Variants in TLR2 observed in about 807,000 individuals in gnomAD.
TLR2 encodes toll like receptor 2, also known as toll-like receptor 2.
Under a neutral mutation model 9.1 loss-of-function variants are expected in TLR2, and 7 were observed. That is an observed-to-expected ratio of 0.77 (90% CI 0.44 to 1.44). TLR2 has a LOEUF of 1.44. Among genes scored for constraint, TLR2 ranks in the 40% most tolerant of loss-of-function variants. The probability of loss-of-function intolerance (pLI) is 0.01; values close to 1 mark genes in which losing one functional copy is unlikely to be tolerated. For missense variants in TLR2, 812 were observed against 904.6 expected, an observed-to-expected ratio of 0.90 and a Z score of 1.31; for synonymous variants, 317 against 344.6, an observed-to-expected ratio of 0.92 and a Z score of 0.89.
chr4:153,702,757 TCTC>T (rs1736982730), intron 2 of TLR2, 132 bp from the exon 3 acceptor site: 6 of 689,426 alleles, frequency 8.7e-6, no homozygotes, highest in East Asian at 2.8e-5. Context: ...TCTCTCTCTC[TCTC>T]TTTGTGTGTG....
At chr4:153,697,919 A>T (rs1295991478) in intron 2 of TLR2, among the ~76,000 whole-genome samples, 1 of 152,180 alleles carries the variant, frequency 6.6e-6, no homozygotes, top group Non-Finnish European at 1.5e-5. Context: ...TGTGTTGCAG[A>T]AGTAATACAA....
chr4:153,708,931 C>G (rs778550939), downstream of TLR2, among the ~76,000 whole-genome samples: 2 of 152,140 alleles, frequency 1.3e-5, no homozygotes, highest in African/African-American at 2.4e-5. Context: ...GTTACTCAAA[C>G]AGCTACAGAG....
chr4:153,685,762 C>A (rs894672416), intron 1 of TLR2, among the ~76,000 whole-genome samples: 9 of 152,066 alleles, frequency 5.9e-5, no homozygotes, highest in African/African-American at 2.2e-4. Flanking sequence ...TAGAAAAAAT[C>A]TAATGGAATA....
At chr4:153,708,079 A>G (rs967664081), downstream of TLR2, among the ~76,000 whole-genome samples, 2 of 152,212 alleles carry the variant, frequency 1.3e-5, no homozygotes, top group African/African-American at 4.8e-5. Context: ...ACTTTACAAA[A>G]TTGGGATTAG....
At chr4:153,702,762 TTGTGTGTG>T (rs141605367) in intron 2 of TLR2, 122 bp from the exon 3 acceptor site, 17,977 of 414,072 alleles carry the variant, frequency 0.043, 187 homozygotes, top group African/African-American at 0.089. Flanking sequence ...CTCTCTCTCT[TTGTGTGTG>T]TGTGTGTGTG....
intron 2 of TLR2, among the ~76,000 whole-genome samples, chr4:153,696,479 T>G (rs2127040050): frequency 6.6e-6 from 1 of 152,326 alleles, no homozygotes; most frequent in South Asian, 2.1e-4. Flanking sequence ...GAGATTACTA[T>G]CTTGATTTCT....
downstream of TLR2, among the ~76,000 whole-genome samples, chr4:153,709,365 A>G (rs944659021): frequency 8.5e-5 from 13 of 152,226 alleles, no homozygotes; most frequent in Admixed American, 8.5e-4. Context: ...TGTTAAATGT[A>G]TACAGTGTTG....
chr4:153,693,401 C>T lies in TLR2; in HGVS notation c.-17+5354C>T, dbSNP rs113054944. Reference sequence around the variant, plus strand: ...GCTATAATATTTCCCTGTTGATCTACGGGGTATATTCTAACAGGGAACTGC... The same window carrying T: ...GCTATAATATTTCCCTGTTGATCTATGGGGTATATTCTAACAGGGAACTGC... On this transcript the variant is annotated intron_variant, in intron 2 of 2. Coordinates refer to ENST00000642700, the MANE Select transcript of TLR2 (RefSeq NM_001318789.2). Among the ~76,000 whole-genome samples, 38 of 152,194 alleles carry T rather than the reference C, an allele frequency of 2.5e-4. 1 individual carries two copies. The South Asian group carries it at 4.1e-3, about 17-fold the overall frequency.
chr4:153,684,796 T>C lies in TLR2; in HGVS notation c.-163+436T>C, dbSNP rs547715575. Reference sequence around the variant, plus strand: ...GGGCTCCGGGCCTCTGGCCGCCACCTCCCTCGGGAGGCCGAGGGGGGCGGT... The same window carrying C: ...GGGCTCCGGGCCTCTGGCCGCCACCCCCCTCGGGAGGCCGAGGGGGGCGGT... On this transcript the variant is annotated intron_variant, in intron 1 of 2. Transcript: ENST00000642700. 5.7e-3 allele frequency among the ~76,000 whole-genome samples: 861 copies of C among 150,714 alleles called. 7 individuals carry two copies. Among genetic ancestry groups the C allele is most frequent in the Non-Finnish European group, 8.9e-3 (606 of 67,944 alleles).
At chr4:153,685,438 C>T (rs894235925) in intron 1 of TLR2, among the ~76,000 whole-genome samples, 6 of 152,194 alleles carry the variant, frequency 3.9e-5, no homozygotes, top group African/African-American at 1.2e-4. Context: ...AATCTTTTGA[C>T]TCTGTTATTA....
intron 2 of TLR2, 128 bp from the exon 3 acceptor site, chr4:153,702,758 CTCTTTG>C (rs1401080538): frequency 7.9e-6 from 5 of 629,802 alleles, no homozygotes; most frequent in South Asian, 2.6e-5. Flanking sequence ...CTCTCTCTCT[CTCTTTG>C]TGTGTGTGTG....
chr4:153,707,114 G>A (rs985774055), downstream of TLR2, among the ~76,000 whole-genome samples: 2 of 152,048 alleles, frequency 1.3e-5, no homozygotes, highest in African/African-American at 4.8e-5. Context: ...ATACTAGCAG[G>A]GATATAAGGG....
rs1262808329 is a variant in TLR2, at chr4:153,688,037, G to T, written c.-27G>T. The T allele has an allele frequency of 6.6e-6, 1 of 152,190 alleles. No homozygotes were observed. Among genetic ancestry groups the T allele is most frequent in the Non-Finnish European group, 1.5e-5 (1 of 68,034 alleles). 9.4% of individuals were successfully genotyped at this position (152,190 alleles called of 1,614,324 possible). A position where few individuals can be genotyped will look rare whatever the true frequency, so the allele number is the denominator to read the frequency against. The stretch of plus-strand genomic sequence containing the variant: ...CATTGCTCTTTCACTGCTTTCAACT[G>T]GTAGTTGTGGGTAAGTTCCTGCTCA... On this transcript the variant is annotated 5_prime_UTR_variant, in exon 2 of 3. Coordinates refer to ENST00000642700, the MANE Select transcript of TLR2 (RefSeq NM_001318789.2).
intron 2 of TLR2, among the ~76,000 whole-genome samples, chr4:153,701,332 G>A (rs548249584): frequency 1.4e-4 from 21 of 152,194 alleles, no homozygotes; most frequent in African/African-American, 4.8e-4. Context: ...GCCCTCTTGC[G>A]TTCTCCCATG....
In TLR2 at chr4:153,703,845, C is replaced by A. The variant is rs768451386; in HGVS notation, c.938C>A (p.Thr313Lys). The part of the protein sequence containing the change: ...VIDPGKVETL[T>K]IRRLHIPRFY... ...GATCCAGGTAAAGTGGAAACGTTAACAATCCGGAGGCTGCATATTCCAAGG... is the reference window on the plus strand; with the variant it reads ...GATCCAGGTAAAGTGGAAACGTTAAAAATCCGGAGGCTGCATATTCCAAGG... The change falls in exon 3 of 3, where the codon ACA (threonine) becomes AAA (lysine). Residue 313 changes from threonine to lysine, a missense_variant. Transcript: ENST00000642700. 5 of 1,614,020 alleles carry A rather than the reference C, an allele frequency of 3.1e-6. No homozygotes were observed. The highest frequency in any genetic ancestry group is 4.2e-6 in the Non-Finnish European group (5 of 1,179,978).
At chr4:153,694,515 A>G (rs1247017380) in intron 2 of TLR2, among the ~76,000 whole-genome samples, 1 of 152,158 alleles carries the variant, frequency 6.6e-6, no homozygotes, top group Non-Finnish European at 1.5e-5. Context: ...AATCCTGTGT[A>G]TGTTTTACTT....
Position 153,698,787 on chromosome 4 carries a change from A to G in TLR2, c.-16-4105A>G, listed in dbSNP as rs557921867. On this transcript the variant is annotated intron_variant, in intron 2 of 2. Transcript: ENST00000642700. The stretch of plus-strand genomic sequence containing the variant: ...CAGGAAACTTAAGTAAATGCTGGAT[A>G]TGTCATGTTGAACCAAATACTAATA... 1.2e-4 allele frequency among the ~76,000 whole-genome samples: 18 copies of G among 152,332 alleles called. 3 individuals are homozygous for G. Among genetic ancestry groups the G allele is most frequent in the Admixed American group, 7.8e-4 (12 of 15,300 alleles).
chr4:153,706,364 T>A (rs1737331025), downstream of TLR2, among the ~76,000 whole-genome samples: 1 of 152,242 alleles, frequency 6.6e-6, no homozygotes, highest in African/African-American at 2.4e-5. Flanking sequence ...TTAGCCTATA[T>A]CTCCTGCATC....
chr4:153,689,360 T>C (rs1578965614), intron 2 of TLR2, among the ~76,000 whole-genome samples: 1 of 152,372 alleles, frequency 6.6e-6, no homozygotes, highest in Admixed American at 6.5e-5. Context: ...TCTTGCTATT[T>C]CTACCATCTG....
Sources: allele counts gnomAD v4.1 joint callset (sites outside exome capture counted in the v4.1 genomes callset), GRCh38; gene constraint gnomAD v4.1.1; transcripts MANE v1.5; gene names NCBI Gene and HGNC (gene_info 2026-07-23, HGNC 2026-07-21).